Variants in AFAP1L1 observed in about 807,000 individuals in gnomAD.
AFAP1L1 encodes actin filament-associated protein 1-like 1.
A neutral mutation model predicts 99.8 loss-of-function variants in AFAP1L1; 77 were observed. That is an observed-to-expected ratio of 0.77 (90% CI 0.64 to 0.93). The LOEUF (loss-of-function observed/expected upper bound fraction) is 0.93, where lower values mean the gene tolerates loss of function less well. AFAP1L1 is among the 40% of genes least tolerant of loss of function. The pLI, the probability that AFAP1L1 is intolerant of heterozygous loss-of-function variation, is 0.00. For missense variants in AFAP1L1, 893 were observed against 996.8 expected (o/e 0.90, Z 1.40); for synonymous variants, 373 against 395.3 (o/e 0.94, Z 0.67).
chr5:149,325,495 A>G (rs538623806), intron 15 of AFAP1L1, among the ~76,000 whole-genome samples: 8 of 152,288 alleles, frequency 5.3e-5, no homozygotes, highest in African/African-American at 1.9e-4. Flanking sequence ...GCTTTGCCCC[A>G]GGTAGGGTAA....
chr5:149,332,984 G>C (rs1757301885), intron 17 of AFAP1L1, 111 bp downstream of exon 17: 5 of 1,376,774 alleles, frequency 3.6e-6, no homozygotes, highest in East Asian at 2.6e-5. Context: ...CCCACTTACA[G>C]ACAAGAAAAC....
chr5:149,295,542 AAAG>A (rs1158286189), intron 1 of AFAP1L1, among the ~76,000 whole-genome samples: 1 of 152,158 alleles, frequency 6.6e-6, no homozygotes, highest in Non-Finnish European at 1.5e-5. Flanking sequence ...AGAAGGAAAG[AAAG>A]AAACAAAAGA....
At position 149,307,570 on chromosome 5, in the gene AFAP1L1, A is replaced by G; in HGVS notation, c.704A>G (p.Gln235Arg). The change falls in exon 7 of 19, where the codon CAG (glutamine) becomes CGG (arginine). Residue 235 changes from glutamine to arginine, a missense_variant. Coordinates refer to ENST00000296721, the MANE Select transcript of AFAP1L1 (RefSeq NM_152406.4). ...AFLLRKKRFG[Q>R]WAKQLTVIRE... The stretch of plus-strand genomic sequence containing the variant: ...CTGCTGCGGAAAAAGCGTTTCGGGC[A>G]GTGGGCCAAGCAGCTGACGGTCATC... The G allele has an allele frequency of 6.2e-7, 1 of 1,613,326 alleles. No individual in the cohort carries two copies. The highest frequency in any genetic ancestry group is 8.5e-7 in the Non-Finnish European group (1 of 1,180,022).
At chr5:149,309,325 T>A (rs1258353622) in intron 7 of AFAP1L1, among the ~76,000 whole-genome samples, 1 of 152,208 alleles carries the variant, frequency 6.6e-6, no homozygotes, top group Non-Finnish European at 1.5e-5. Flanking sequence ...ATACAGTTGA[T>A]CTTTGAATGG....
At chr5:149,312,024 C>G in intron 8 of AFAP1L1, 88 bp from the exon 9 acceptor site, 1 of 1,257,776 alleles carries the variant, frequency 8.0e-7, no homozygotes, top group Admixed American at 1.8e-5. Context: ...ACCCTCTGTT[C>G]TACAGCATTC....
intron 4 of AFAP1L1, among the ~76,000 whole-genome samples, 156 bp from the exon 5 acceptor site, chr5:149,302,262 T>A (rs1458123411): frequency 6.6e-6 from 1 of 152,202 alleles, no homozygotes; most frequent in African/African-American, 2.4e-5. Flanking sequence ...TGGATAAATA[T>A]GCCCTCGAGT....
intron 7 of AFAP1L1, among the ~76,000 whole-genome samples, chr5:149,309,179 T>G (rs545526583): frequency 6.6e-6 from 1 of 152,314 alleles, no homozygotes; most frequent in Admixed American, 6.5e-5. Flanking sequence ...TAGATGAAAA[T>G]GTTCCTTATT....
intron 17 of AFAP1L1, among the ~76,000 whole-genome samples, chr5:149,333,987 T>C (rs1188131159): frequency 6.6e-6 from 1 of 152,242 alleles, no homozygotes; most frequent in Non-Finnish European, 1.5e-5. Flanking sequence ...TTGTTAAGAA[T>C]TGGACTACAT....
At chr5:149,311,525 G>C (rs1756630675) in intron 8 of AFAP1L1, among the ~76,000 whole-genome samples, 1 of 152,200 alleles carries the variant, frequency 6.6e-6, no homozygotes, top group Admixed American at 6.5e-5. Flanking sequence ...GGATAAAATG[G>C]GATAATCCAC....
intron 1 of AFAP1L1, among the ~76,000 whole-genome samples, chr5:149,290,818 T>C (rs763460016): frequency 1.8e-4 from 27 of 152,250 alleles, no homozygotes; most frequent in Non-Finnish European, 2.4e-4. Flanking sequence ...TGTTAGACTT[T>C]ATCAACTCTT....
chr5:149,319,392 A>G (rs998030676), intron 12 of AFAP1L1, among the ~76,000 whole-genome samples, 190 bp from the exon 13 acceptor site: 1 of 152,122 alleles, frequency 6.6e-6, no homozygotes, highest in Non-Finnish European at 1.5e-5. Flanking sequence ...TTTGATTGGA[A>G]ACCTGAATAG....
intron 1 of AFAP1L1, among the ~76,000 whole-genome samples, chr5:149,281,378 A>G (rs1453159811): frequency 6.6e-6 from 1 of 152,164 alleles, no homozygotes; most frequent in Non-Finnish European, 1.5e-5. Flanking sequence ...CCTTCCTGAA[A>G]GATGCAGCTC....
intron 7 of AFAP1L1, among the ~76,000 whole-genome samples, chr5:149,309,161 G>T (rs1011618101): frequency 6.6e-6 from 1 of 152,128 alleles, no homozygotes; most frequent in Admixed American, 6.5e-5. Flanking sequence ...TTTGCTGTGG[G>T]TTGTTTGTAG....
Position 149,332,767 on chromosome 5 carries a change from G to A in AFAP1L1, c.2048G>A (p.Arg683Gln), listed in dbSNP as rs148055999. The change falls in exon 17 of 19, where the codon CGG becomes CAG. Residue 683 changes from arginine to glutamine, a missense_variant. Physicochemically the swap from Arg to Gln is conservative, Grantham distance 43 (BLOSUM62 1). Transcript: ENST00000296721. Reference protein sequence around the residue: ...EAQCRAKEERRIDLELKLVAV... With the variant: ...EAQCRAKEERQIDLELKLVAV... ...CAGTGTCGGGCAAAGGAGGAGCGCC[G>A]GATTGACCTGGAGCTGAAGCTGGTG... 4.5e-5 allele frequency: 73 copies of A among 1,613,570 alleles called. No homozygotes were observed. The African/African-American group carries it at 7.6e-4, about 17-fold the overall frequency.
In AFAP1L1 at chr5:149,342,777, TG is replaced by T. The variant is rs200516384; in HGVS notation, c.*2749del. ...AAATACAAAAGTTAGCTGGGCACGG[TG>T]GCACATGCCGGTAGTCCCAGCTACT... On this transcript the variant is annotated 3_prime_UTR_variant, in exon 19 of 19. Transcript: ENST00000296721. Among the ~76,000 whole-genome samples the T allele has an allele frequency of 0.018, 2,669 of 152,276 alleles. 78 individuals are homozygous for T. Among genetic ancestry groups the T allele is most frequent in the African/African-American group, 0.058 (2,403 of 41,538 alleles).
At chr5:149,333,447 C>T (rs756410515) in intron 17 of AFAP1L1, among the ~76,000 whole-genome samples, 8 of 152,224 alleles carry the variant, frequency 5.3e-5, no homozygotes, top group Non-Finnish European at 7.3e-5. Flanking sequence ...AGCGGTCTCA[C>T]ATGCCCTCTC....
chr5:149,284,429 C>T (rs352358), intron 1 of AFAP1L1, among the ~76,000 whole-genome samples: 1 of 152,046 alleles, frequency 6.6e-6, no homozygotes, highest in African/African-American at 2.4e-5. Context: ...ACGATGAGGG[C>T]TCATTGGATT....
At chr5:149,273,683 G>C (rs905769480) in intron 1 of AFAP1L1, among the ~76,000 whole-genome samples, 1 of 152,052 alleles carries the variant, frequency 6.6e-6, no homozygotes, top group Non-Finnish European at 1.5e-5. Context: ...AAAACAGAGA[G>C]AAGAGGCACC....
At chr5:149,338,058 A>G (rs1347785062) in intron 18 of AFAP1L1, among the ~76,000 whole-genome samples, 2 of 152,238 alleles carry the variant, frequency 1.3e-5, no homozygotes, top group Non-Finnish European at 2.9e-5. Context: ...CTGAAATTGC[A>G]TATCATATTA....
Sources: gnomAD v4.1 joint callset for allele counts (sites outside exome capture counted in the v4.1 genomes callset) on GRCh38, gnomAD v4.1.1 for gene constraint, MANE v1.5 for transcripts, NCBI Gene and HGNC (gene_info 2026-07-23, HGNC 2026-07-21) for gene names.